The following CDH18 variants were observed in gnomAD, a reference collection of about 807,000 sequenced individuals.
The protein encoded by CDH18 is cadherin 18.
CDH18 carries 31 observed loss-of-function variants against 67.9 expected under a neutral mutation model. The observed-to-expected ratio is 0.46, with a 90% confidence interval of 0.34 to 0.62. CDH18 has a LOEUF of 0.62. CDH18 is among the 20% of genes least tolerant of loss of function. The pLI, the probability that CDH18 is intolerant of heterozygous loss-of-function variation, is 0.01. For missense variants in CDH18, 890 were observed against 975.5 expected (o/e 0.91, Z 1.17); for synonymous variants, 362 against 347.2 (o/e 1.04, Z -0.48).
chr5:20,540,246 A>T (rs1009578915), intron 1 of CDH18, among the ~76,000 whole-genome samples: 1 of 152,208 alleles, frequency 6.6e-6, no homozygotes, highest in African/African-American at 2.4e-5. Flanking sequence ...TTGCCTAATT[A>T]AAAATAGTAA....
At chr5:19,539,070 T>G (rs1749837683) in intron 9 of CDH18, among the ~76,000 whole-genome samples, 1 of 152,196 alleles carries the variant, frequency 6.6e-6, no homozygotes, top group Admixed American at 6.5e-5. Flanking sequence ...AACAGGCAAT[T>G]AAGCCACGGA....
At chr5:19,550,725 T>C (rs992427630) in intron 8 of CDH18, among the ~76,000 whole-genome samples, 142 of 152,198 alleles carry the variant, frequency 9.3e-4, no homozygotes, top group East Asian at 2.3e-3. Flanking sequence ...AATAAACATA[T>C]GTGTGCATGT....
At chr5:20,004,212 A>T (rs567043598) in intron 2 of CDH18, among the ~76,000 whole-genome samples, 1 of 152,202 alleles carries the variant, frequency 6.6e-6, no homozygotes, top group East Asian at 1.9e-4. Context: ...TACTGGTCCA[A>T]GCCACTTTCT....
intron 1 of CDH18, among the ~76,000 whole-genome samples, chr5:20,495,635 A>G (rs893579510): frequency 6.6e-6 from 1 of 152,174 alleles, no homozygotes; most frequent in African/African-American, 2.4e-5. Flanking sequence ...CAGGAAAAAC[A>G]TACAACCAGG....
chr5:19,983,649 C>T (rs1385085016), intron 1 of CDH18, among the ~76,000 whole-genome samples: 1 of 152,094 alleles, frequency 6.6e-6, no homozygotes, highest in Non-Finnish European at 1.5e-5. Flanking sequence ...TTCTAGTATC[C>T]ACAAAAGCAA....
intron 2 of CDH18, among the ~76,000 whole-genome samples, chr5:20,129,222 A>C (rs1480195403): frequency 1.3e-5 from 2 of 152,024 alleles, no homozygotes; most frequent in Admixed American, 1.3e-4. Flanking sequence ...AAGAAAAAAA[A>C]TATAGACCCA....
At chr5:19,807,280 A>G (rs1214163367) in intron 3 of CDH18, among the ~76,000 whole-genome samples, 2 of 152,168 alleles carry the variant, frequency 1.3e-5, no homozygotes, top group African/African-American at 2.4e-5. Flanking sequence ...ATGTTTACCT[A>G]TGTAACAAAC....
At position 19,852,483 on chromosome 5, in the gene CDH18, G is replaced by A. The variant is rs1236098149; in HGVS notation, c.-256-13241C>T. ...TGTGAAGCATTCGCTTGTAGGTCTGGGCCATGAGGATTTATATGTGTGCAT... is the reference window on the plus strand; with the variant it reads ...TGTGAAGCATTCGCTTGTAGGTCTGAGCCATGAGGATTTATATGTGTGCAT... On this transcript the variant is annotated intron_variant, in intron 2 of 12. Transcript: ENST00000382275. Among the ~76,000 whole-genome samples the A allele has an allele frequency of 1.7e-4, 26 of 151,840 alleles. No homozygotes were observed. In the Admixed American group the frequency reaches 1.7e-3, roughly 10 times the overall value.
intron 2 of CDH18, among the ~76,000 whole-genome samples, chr5:19,899,489 T>C (rs1291211933): frequency 6.6e-6 from 1 of 152,168 alleles, no homozygotes; most frequent in Non-Finnish European, 1.5e-5. Context: ...AGTTGGACTC[T>C]GTGTAAACTG....
intron 2 of CDH18, among the ~76,000 whole-genome samples, chr5:20,119,415 A>G (rs1401942933): frequency 6.6e-6 from 1 of 152,088 alleles, no homozygotes; most frequent in Non-Finnish European, 1.5e-5. Flanking sequence ...CCCACCATCC[A>G]TGCACTCAAA....
chr5:19,866,234 A>C (rs1785475334), intron 2 of CDH18, among the ~76,000 whole-genome samples: 1 of 152,192 alleles, frequency 6.6e-6, no homozygotes, highest in African/African-American at 2.4e-5. Flanking sequence ...ATCAGTCTGG[A>C]ATGGGGATTG....
chr5:19,902,711 A>G (rs1405117828), intron 2 of CDH18, among the ~76,000 whole-genome samples: 2 of 152,216 alleles, frequency 1.3e-5, no homozygotes, highest in African/African-American at 4.8e-5. Flanking sequence ...AGTTTAGGGG[A>G]AACTAACACA....
intron 2 of CDH18, among the ~76,000 whole-genome samples, chr5:20,151,247 C>T (rs1751074577): frequency 6.6e-6 from 1 of 152,028 alleles, no homozygotes; most frequent in African/African-American, 2.4e-5. Flanking sequence ...TATTTGGTTT[C>T]ATGTTCCTCT....
intron 10 of CDH18, among the ~76,000 whole-genome samples, chr5:19,503,522 G>T (rs990488982): frequency 6.6e-6 from 1 of 152,052 alleles, no homozygotes; most frequent in African/African-American, 2.4e-5. Context: ...AGTAGTAAAT[G>T]CAAGAACAGT....
chr5:20,306,097 G>A (rs375735457), intron 1 of CDH18, among the ~76,000 whole-genome samples: 93 of 152,236 alleles, frequency 6.1e-4, no homozygotes, highest in Middle Eastern at 6.8e-3. Context: ...TCTACACACA[G>A]CCTTGCTTCC....
intron 1 of CDH18, among the ~76,000 whole-genome samples, chr5:20,369,029 C>T (rs1164626021): frequency 6.6e-6 from 1 of 152,112 alleles, no homozygotes; most frequent in Admixed American, 6.5e-5. Flanking sequence ...TCAGCTTTCA[C>T]TTAGAGTTGG....
intron 4 of CDH18, among the ~76,000 whole-genome samples, chr5:19,723,447 A>G (rs990693573): frequency 5.3e-5 from 8 of 152,190 alleles, no homozygotes; most frequent in Non-Finnish European, 1.0e-4. Context: ...GCCCCTAAAT[A>G]GTATTTTAAC....
intron 1 of CDH18, among the ~76,000 whole-genome samples, chr5:20,348,878 G>T (rs1352245248): frequency 3.3e-5 from 5 of 152,044 alleles, no homozygotes; most frequent in African/African-American, 1.2e-4. Context: ...CTTACCTTTT[G>T]TGCAAGCCCT....
At chr5:19,981,817 T>C (rs1229656956) in intron 1 of CDH18, among the ~76,000 whole-genome samples, 1 of 152,186 alleles carries the variant, frequency 6.6e-6, no homozygotes, top group African/African-American at 2.4e-5. Flanking sequence ...GACAGCAACA[T>C]GGTTCATATC....
Sources: gnomAD v4.1 joint callset for allele counts (sites outside exome capture counted in the v4.1 genomes callset) on GRCh38, gnomAD v4.1.1 for gene constraint, MANE v1.5 for transcripts, NCBI Gene and HGNC (gene_info 2026-07-23, HGNC 2026-07-21) for gene names.